The following CIP2A variants were observed in gnomAD, a reference collection of about 807,000 sequenced individuals.
The protein encoded by CIP2A is cellular inhibitor of PP2A.
A neutral mutation model predicts 110.9 loss-of-function variants in CIP2A; 103 were observed. The observed-to-expected ratio is 0.93, with a 90% CI of 0.79 to 1.09. CIP2A has a LOEUF of 1.09. Among genes scored for constraint, CIP2A ranks in the 50% least tolerant of loss-of-function variants. The pLI, the probability that CIP2A is intolerant of heterozygous loss-of-function variation, is 0.00. For synonymous variants in CIP2A, 381 were observed against 361.6 expected (o/e 1.05, Z -0.61); for missense variants, 1,088 against 1,038.4 (o/e 1.05, Z -0.66).
rs2083897559 is a variant in CIP2A at position 108,551,433 on chromosome 3, C to A, written c.2548-114G>T. On this transcript the variant is annotated intron_variant, in intron 20 of 20. Coordinates refer to ENST00000295746, the MANE Select transcript of CIP2A (RefSeq NM_020890.3). ...ATTTTTTATTGTACAACAACCATTTCAAGACATACTATAAATATTATACTT... is the reference window on the plus strand; with the variant it reads ...ATTTTTTATTGTACAACAACCATTTAAAGACATACTATAAATATTATACTT... 3 of 642,520 alleles carry A rather than the reference C, an allele frequency of 4.7e-6. No individual in the cohort carries two copies. In the South Asian group the frequency reaches 1.1e-4, roughly 24 times the overall value. 39.8% of individuals were successfully genotyped at this position (642,520 alleles called of 1,614,324 possible). A position where few individuals can be genotyped will look rare whatever the true frequency, so the allele number is the denominator to read the frequency against.
intron 2 of CIP2A, among the ~76,000 whole-genome samples, 183 bp from the exon 3 acceptor site, chr3:108,583,266 T>G (rs912236294): frequency 2.0e-5 from 3 of 152,228 alleles, no homozygotes; most frequent in Non-Finnish European, 4.4e-5. Context: ...TAAAATAAAC[T>G]AGTATCAAAG....
At chr3:108,553,896 T>TAAAAAAAAAAAAAAAAAA (rs71103478) in intron 18 of CIP2A, among the ~76,000 whole-genome samples, 166 bp from the exon 19 acceptor site, 1 of 84,198 alleles carries the variant, frequency 1.2e-5, no homozygotes, top group Non-Finnish European at 2.4e-5. Context: ...ACTAAAAATA[T>TAAAAAAAAAAAAAAAAAA]AAAAAAAAAA....
At chr3:108,561,065 G>T (rs1937991568) in intron 13 of CIP2A, among the ~76,000 whole-genome samples, 3 of 152,110 alleles carry the variant, frequency 2.0e-5, no homozygotes, top group Admixed American at 2.0e-4. Flanking sequence ...CTTCACCTCT[G>T]GTTTGGAGGC....
At position 108,552,363 on chromosome 3, in the gene CIP2A, T is replaced by C; in HGVS notation, c.2418A>G (p.Gln806=). ...DREHKLANLH[Q]KTKVQEEKIK... ...TCTTTTCTTCTTGTACTTTTGTTTT[T>C]TGATGCAAATCTTAAAAGAAAAAAA... is the stretch of plus-strand genomic sequence containing the variant. Residue 806 remains glutamine (Q), a synonymous_variant, in exon 20 of 21, where the codon CAA becomes CAG. Transcript: ENST00000295746. 6.5e-7 allele frequency: 1 copy of C among 1,528,674 alleles called. No homozygotes were observed. Among genetic ancestry groups the C allele is most frequent in the Non-Finnish European group, 8.8e-7 (1 of 1,133,740 alleles). The allele number at this position is 1,528,674 out of a possible 1,614,324, so 94.7% of individuals were successfully genotyped here. A position where few individuals can be genotyped will look rare whatever the true frequency, so the allele number is the denominator to read the frequency against.
chr3:108,579,489 TA>T (rs1324246892), intron 6 of CIP2A, 63 bp from the exon 7 acceptor site: 1 of 1,556,688 alleles, frequency 6.4e-7, no homozygotes, highest in African/African-American at 1.4e-5. Flanking sequence ...TCCTAAAAGG[TA>T]AAAATAAAAA....
In CIP2A at chr3:108,551,030, T is replaced by C. The variant is rs1408524708; in HGVS notation, c.*119A>G. Reference sequence around the variant, plus strand: ...GCAACAGATCAGGGTCTTTACTAAATTAGATAATAACTTCTTATTGTTACG... The same window carrying C: ...GCAACAGATCAGGGTCTTTACTAAACTAGATAATAACTTCTTATTGTTACG... On this transcript the variant is annotated 3_prime_UTR_variant, in exon 21 of 21. Transcript: ENST00000295746. 2.2e-6 allele frequency: 1 copy of C among 444,992 alleles called. No individual in the cohort carries two copies. Among genetic ancestry groups the C allele is most frequent in the African/African-American group, 2.0e-5 (1 of 49,322 alleles). 27.6% of individuals were successfully genotyped at this position (444,992 alleles called of 1,614,324 possible). A position where few individuals can be genotyped will look rare whatever the true frequency, so the allele number is the denominator to read the frequency against.
chr3:108,553,894 T>TAC (rs1303036231), intron 18 of CIP2A, among the ~76,000 whole-genome samples, 164 bp from the exon 19 acceptor site: 3,168 of 49,706 alleles, frequency 0.064, 1,016 homozygotes, highest in Admixed American at 0.097. Flanking sequence ...CTACTAAAAA[T>TAC]ATAAAAAAAA....
At chr3:108,572,057 T>C (rs927135170) in intron 8 of CIP2A, among the ~76,000 whole-genome samples, 3 of 152,118 alleles carry the variant, frequency 2.0e-5, no homozygotes, top group Non-Finnish European at 2.9e-5. Context: ...TTCGGATATA[T>C]ACATACAATG....
At chr3:108,563,838 T>G (rs1938091214) in intron 12 of CIP2A, among the ~76,000 whole-genome samples, 1 of 152,002 alleles carries the variant, frequency 6.6e-6, no homozygotes, top group African/African-American at 2.4e-5. Flanking sequence ...ACTTACTGGT[T>G]GGGCATCCCT....
At chr3:108,561,680 A>C (rs1938011616) in intron 13 of CIP2A, among the ~76,000 whole-genome samples, 1 of 152,174 alleles carries the variant, frequency 6.6e-6, no homozygotes, top group African/African-American at 2.4e-5. Flanking sequence ...AAAACAAACA[A>C]GTAAATACAC....
At chr3:108,551,939 G>T (rs994528064) in intron 20 of CIP2A, among the ~76,000 whole-genome samples, 3 of 152,140 alleles carry the variant, frequency 2.0e-5, no homozygotes, top group African/African-American at 7.2e-5. Flanking sequence ...ATTTGTTAAA[G>T]TGAAAATTAT....
At chr3:108,583,224 T>A in intron 2 of CIP2A, 141 bp from the exon 3 acceptor site, 1 of 434,422 alleles carries the variant, frequency 2.3e-6, no homozygotes, top group Non-Finnish European at 4.1e-6. Context: ...ATGATAACCC[T>A]CCAATTCAGA....
rs763242492 is a variant in CIP2A, at chr3:108,557,411, G to A, written c.2017C>T (p.Arg673Trp). The A allele has an allele frequency of 1.3e-5, 21 of 1,570,982 alleles. No individual in the cohort carries two copies. The highest frequency in any genetic ancestry group is 2.3e-5 in the East Asian group (1 of 44,246). The change falls in exon 17 of 21, where the codon CGG becomes TGG. Residue 673 changes from arginine to tryptophan, a missense_variant. By Grantham distance (101) the Arg-to-Trp change is moderately radical (BLOSUM62 -3). Coordinates refer to ENST00000295746, the MANE Select transcript of CIP2A (RefSeq NM_020890.3). The stretch of plus-strand genomic sequence containing the variant: ...TCTCTCAACATACTAGCAAGTGTCC[G>A]TGCCTCAAAAAAAAAAAGAAGATAG... Reference protein sequence around the residue: ...CQRTQAETEARTLASMLREVE... With the variant: ...CQRTQAETEAWTLASMLREVE...
At chr3:108,564,162 T>C (rs1007858903) in intron 12 of CIP2A, among the ~76,000 whole-genome samples, 3 of 151,998 alleles carry the variant, frequency 2.0e-5, no homozygotes, top group Non-Finnish European at 4.4e-5. Flanking sequence ...CAGAGCTTTA[T>C]CTCCAAAACC....
chr3:108,581,961 A>G (rs1938895169), intron 4 of CIP2A, 147 bp downstream of exon 4: 2 of 422,466 alleles, frequency 4.7e-6, no homozygotes, highest in African/African-American at 4.1e-5. Flanking sequence ...GATCCTTAAA[A>G]TCATCTGGGC....
chr3:108,588,991 G>T (rs966642686), intron 1 of CIP2A, among the ~76,000 whole-genome samples: 1 of 152,170 alleles, frequency 6.6e-6, no homozygotes, highest in African/African-American at 2.4e-5. Flanking sequence ...CAAAGGAAAA[G>T]ATAAAGTTCC....
chr3:108,575,411 TATAC>T (rs1339499052), intron 8 of CIP2A, among the ~76,000 whole-genome samples: 3 of 138,882 alleles, frequency 2.2e-5, no homozygotes, highest in Non-Finnish European at 3.2e-5. Flanking sequence ...CATGTGTATG[TATAC>T]ATATACATGT....
rs1477227163 is a variant in CIP2A at position 108,566,611 on chromosome 3, A to G, written c.1301T>C (p.Met434Thr). ...AGTTGTCAAGATTTTTGCAATATGC[A>G]TTTTTAGTGTATCATCTCCACAGAG... ...LTLCGDDTLK[M>T]HIAKILTTVK... is the part of the protein sequence containing the mutation. The change falls in exon 11 of 21, where the codon ATG (methionine) becomes ACG (threonine). Residue 434 changes from methionine to threonine, a missense_variant. Coordinates refer to ENST00000295746, the MANE Select transcript of CIP2A (RefSeq NM_020890.3). 6.2e-7 allele frequency: 1 copy of G among 1,605,524 alleles called. No individual in the cohort carries two copies. Among genetic ancestry groups the G allele is most frequent in the South Asian group, 1.1e-5 (1 of 89,570 alleles).
Position 108,585,175 on chromosome 3 carries a change from G to A in CIP2A, c.140C>T (p.Ser47Leu), listed in dbSNP as rs775172429. Residue 47 changes from serine (S) to leucine (L), a missense_variant, in exon 2 of 21, where the codon TCA becomes TTA. Physicochemically the swap from Ser to Leu is moderately radical, Grantham distance 145. Coordinates refer to ENST00000295746, the MANE Select transcript of CIP2A (RefSeq NM_020890.3). ...GCATTCACTTGTTAATATCTGATTTGATGTAAATAGTCGTGTGAGTTTCTG... is the reference window on the plus strand; with the variant it reads ...GCATTCACTTGTTAATATCTGATTTAATGTAAATAGTCGTGTGAGTTTCTG... The part of the protein sequence containing the change: ...SGQKLTRLFT[S>L]NQILTSECLS... The A allele has an allele frequency of 2.5e-6, 4 of 1,612,648 alleles. No individual in the cohort carries two copies. Among genetic ancestry groups the A allele is most frequent in the Non-Finnish European group, 3.4e-6 (4 of 1,179,086 alleles).
Sources: allele counts gnomAD v4.1 joint callset (sites outside exome capture counted in the v4.1 genomes callset), GRCh38; gene constraint gnomAD v4.1.1; transcripts MANE v1.5; gene names NCBI Gene and HGNC (gene_info 2026-07-23, HGNC 2026-07-21).